The following CTNNA3 variants were observed in gnomAD, a reference collection of about 807,000 sequenced individuals.
CTNNA3 encodes catenin alpha-3.
In CTNNA3, 76 loss-of-function variants were observed where a neutral mutation model predicts 95.7. The ratio of observed to expected loss-of-function variants is 0.79; its 90% CI spans 0.66 to 0.96. The LOEUF is 0.96. Among genes scored for constraint, CTNNA3 ranks in the 40% least tolerant of loss-of-function variants. CTNNA3 has a pLI of 0.00. For missense variants in CTNNA3, 1,191 were observed against 1,089.8 expected (o/e 1.09, Z -1.31); for synonymous variants, 431 against 374.4 (o/e 1.15, Z -1.74).
intron 10 of CTNNA3, among the ~76,000 whole-genome samples, chr10:66,548,513 C>T (rs1313299713): frequency 6.6e-6 from 1 of 151,848 alleles, no homozygotes; most frequent in South Asian, 2.1e-4. Context: ...TTTCCAATTC[C>T]AAAGGAAAGC....
intron 5 of CTNNA3, among the ~76,000 whole-genome samples, chr10:67,483,776 T>TAAAAAAAAAAAAAAAAAAAAAAA (rs71468814): frequency 9.0e-6 from 1 of 110,854 alleles, no homozygotes; most frequent in Non-Finnish European, 2.0e-5. Flanking sequence ...AAATAAAAAT[T>TAAAAAAAAAAAAAAAAAAAAAAA]AAAAAAAAAA....
chr10:67,336,672 T>G lies in CTNNA3; in HGVS notation c.580-116802A>C, dbSNP rs991687141. 3.3e-5 allele frequency among the ~76,000 whole-genome samples: 5 copies of G among 152,260 alleles called. No individual in the cohort carries two copies. In the East Asian group the frequency reaches 9.7e-4, roughly 29 times the overall value. ...TGGTTTCAAAGCTTCAAAAGACAGG[T>G]GGACTCTCTTGCTGGGGCTAATGCA... On this transcript the variant is annotated intron_variant, in intron 5 of 17. Transcript: ENST00000433211.
rs1841959364 is a variant in CTNNA3, at chr10:67,571,101, C to T, written c.293-31432G>A. Among the ~76,000 whole-genome samples the T allele has an allele frequency of 2.0e-5, 3 of 152,122 alleles. No homozygotes were observed. In the South Asian group the frequency reaches 6.3e-4, roughly 32 times the overall value. On this transcript the variant is annotated intron_variant, in intron 3 of 17. Coordinates refer to ENST00000433211, the MANE Select transcript of CTNNA3 (RefSeq NM_013266.4). ...GAAGATAGGTTACATCTCCACAGTG[C>T]CTCTCTAATATTAATGATGATAATA...
At position 66,932,457 on chromosome 10, in the gene CTNNA3, T is replaced by G. The variant is rs10997443; in HGVS notation, c.1048-156933A>C. Among the ~76,000 whole-genome samples the G allele has an allele frequency of 0.027, 4,042 of 152,190 alleles. 430 individuals are homozygous for G. The East Asian group carries it at 0.38, about 14-fold the overall frequency. Reference sequence around the variant, plus strand: ...TGAGAAATAAAAAATTCAGAATCTGTGTTGCTTCATCTATTCCTTTTTGCT... The same window carrying G: ...TGAGAAATAAAAAATTCAGAATCTGGGTTGCTTCATCTATTCCTTTTTGCT... On this transcript the variant is annotated intron_variant, in intron 7 of 17. Transcript: ENST00000433211.
At chr10:66,386,782 A>T (rs1340973547) in intron 11 of CTNNA3, among the ~76,000 whole-genome samples, 1 of 152,198 alleles carries the variant, frequency 6.6e-6, no homozygotes, top group Non-Finnish European at 1.5e-5. Flanking sequence ...GAGGCTCAGA[A>T]ATAATGCCAC....
intron 1 of CTNNA3, among the ~76,000 whole-genome samples, chr10:67,762,567 G>C (rs920079228): frequency 6.6e-6 from 1 of 152,082 alleles, no homozygotes; most frequent in African/African-American, 2.4e-5. Context: ...AAGATAAAAA[G>C]GGCTTCAAGA....
intron 7 of CTNNA3, among the ~76,000 whole-genome samples, chr10:66,789,159 A>G (rs184744542): frequency 7.2e-6 from 1 of 139,582 alleles, no homozygotes; most frequent in African/African-American, 2.9e-5. Context: ...TGCTTACTAA[A>G]CCTTTTTTTT....
intron 5 of CTNNA3, among the ~76,000 whole-genome samples, chr10:67,291,386 A>ATGAATGATCACC (rs1032200342): frequency 3.0e-4 from 45 of 152,264 alleles, no homozygotes; most frequent in African/African-American, 1.1e-3. Context: ...GGTGTGAAAG[A>ATGAATGATCACC]TGAATGATCT....
chr10:67,424,443 A>G (rs1845846496), intron 5 of CTNNA3, among the ~76,000 whole-genome samples: 1 of 152,086 alleles, frequency 6.6e-6, no homozygotes, highest in Non-Finnish European at 1.5e-5. Flanking sequence ...CTACCAAACC[A>G]TAAATAAAAA....
intron 15 of CTNNA3, among the ~76,000 whole-genome samples, chr10:66,018,895 G>A (rs1444973379): frequency 7.7e-6 from 1 of 129,858 alleles, no homozygotes; most frequent in African/African-American, 2.5e-5. Flanking sequence ...TCACATTCAC[G>A]TTTATGGTGG....
chr10:67,020,623 AG>A (rs1852947186), intron 7 of CTNNA3, among the ~76,000 whole-genome samples: 1 of 152,214 alleles, frequency 6.6e-6, no homozygotes, highest in African/African-American at 2.4e-5. Flanking sequence ...AGATTGCTTA[AG>A]GACAGCCCCT....
At chr10:66,031,912 A>G (rs1486699450) in intron 15 of CTNNA3, among the ~76,000 whole-genome samples, 2 of 152,206 alleles carry the variant, frequency 1.3e-5, no homozygotes, top group Non-Finnish European at 2.9e-5. Flanking sequence ...CAAAATGGTT[A>G]CTAAAGTATT....
chr10:67,081,257 C>T (rs934696185), intron 7 of CTNNA3, among the ~76,000 whole-genome samples: 2 of 152,142 alleles, frequency 1.3e-5, no homozygotes, highest in African/African-American at 4.8e-5. Context: ...ATTCTCTAAG[C>T]TCATTTCAGG....
intron 15 of CTNNA3, among the ~76,000 whole-genome samples, chr10:65,998,957 CA>C (rs1219573552): frequency 1.3e-5 from 2 of 152,060 alleles, no homozygotes; most frequent in Non-Finnish European, 2.9e-5. Context: ...TGGTGCTTCT[CA>C]AAATCATTAT....
At chr10:66,900,101 C>T (rs569208480) in intron 7 of CTNNA3, among the ~76,000 whole-genome samples, 3 of 152,158 alleles carry the variant, frequency 2.0e-5, no homozygotes, top group African/African-American at 7.2e-5. Flanking sequence ...CAGTAGGGGC[C>T]GACAGACAAC....
chr10:66,165,767 TTTA>T (rs143509860), intron 13 of CTNNA3, among the ~76,000 whole-genome samples: 1 of 151,296 alleles, frequency 6.6e-6, no homozygotes, highest in African/African-American at 2.4e-5. Flanking sequence ...ATTTATTTAT[TTTA>T]TTATTATTAT....
At chr10:66,051,953 G>A (rs778679107) in intron 15 of CTNNA3, among the ~76,000 whole-genome samples, 1 of 151,954 alleles carries the variant, frequency 6.6e-6, no homozygotes, top group African/African-American at 2.4e-5. Flanking sequence ...TAATGTTTTG[G>A]CCCCACAATA....
intron 5 of CTNNA3, among the ~76,000 whole-genome samples, chr10:67,235,201 G>C (rs868347349): frequency 6.6e-6 from 1 of 151,918 alleles, no homozygotes; most frequent in African/African-American, 2.4e-5. Context: ...AGCCCGCATC[G>C]CCAAGGCAAT....
At chr10:65,966,812 A>G (rs2077977670) in intron 16 of CTNNA3, 66 bp from the exon 17 acceptor site, 9 of 1,293,898 alleles carry the variant, frequency 7.0e-6, no homozygotes, top group African/African-American at 1.5e-5. Flanking sequence ...AAGGTGAGTA[A>G]ATACAGTATT....
Sources: allele counts gnomAD v4.1 joint callset (sites outside exome capture counted in the v4.1 genomes callset), GRCh38; gene constraint gnomAD v4.1.1; transcripts MANE v1.5; gene names NCBI Gene and HGNC (gene_info 2026-07-23, HGNC 2026-07-21).